The following USP49 variants were observed in gnomAD, a reference collection of about 807,000 sequenced individuals.
USP49 encodes the protein ubiquitin carboxyl-terminal hydrolase 49.
USP49 carries 24 observed loss-of-function variants against 58.6 expected under a neutral mutation model. That is an observed-to-expected ratio of 0.41 (90% CI 0.30 to 0.58). The LOEUF (loss-of-function observed/expected upper bound fraction) is 0.58. Ranked by LOEUF, USP49 falls within the 20% of genes least tolerant of loss-of-function variation. USP49 has a pLI of 0.30. For missense variants in USP49, 703 were observed against 866.1 expected, an observed-to-expected ratio of 0.81 and a Z score of 2.36; for synonymous variants, 408 against 365.1, an observed-to-expected ratio of 1.12 and a Z score of -1.34.
chr6:41,817,304 T>C (rs551051088), intron 3 of USP49, among the ~76,000 whole-genome samples: 151 of 150,386 alleles, frequency 1.0e-3, no homozygotes, highest in African/African-American at 3.3e-3. Flanking sequence ...CACACCACCA[T>C]GCCCAGCTAA....
chr6:41,851,527 C>T (rs1774027453), intron 3 of USP49, among the ~76,000 whole-genome samples: 2 of 152,188 alleles, frequency 1.3e-5, no homozygotes, highest in Non-Finnish European at 2.9e-5. Context: ...CAGATAATAT[C>T]ATACTCAGTG....
At chr6:41,844,207 C>T (rs1187349460) in intron 3 of USP49, among the ~76,000 whole-genome samples, 7 of 152,018 alleles carry the variant, frequency 4.6e-5, no homozygotes, top group South Asian at 2.1e-4. Context: ...GGCAACAGAG[C>T]GAGACTCTGT....
chr6:41,827,553 G>A (rs1013837948), intron 3 of USP49, among the ~76,000 whole-genome samples: 8 of 151,680 alleles, frequency 5.3e-5, no homozygotes, highest in African/African-American at 1.9e-4. Context: ...CCAGCTACTC[G>A]GGAGGCTGAG....
In USP49 at chr6:41,790,645, A is replaced by G. The variant is rs1438587531; in HGVS notation, c.*5888T>C. On this transcript the variant is annotated 3_prime_UTR_variant, in exon 8 of 8. Transcript: ENST00000682992. ...CCTGTTAAGGATGACAGATGTCTCT[A>G]GCAGTTTGTTCACTACTAAAGTTAA... 1.3e-5 allele frequency: 2 copies of G among 152,236 alleles called. No homozygotes were observed. Among genetic ancestry groups the G allele is most frequent in the African/African-American group, 4.8e-5 (2 of 41,446 alleles). 9.4% of individuals were successfully genotyped at this position (152,236 alleles called of 1,614,324 possible).
intron 5 of USP49, among the ~76,000 whole-genome samples, chr6:41,801,453 T>C (rs890538017): frequency 2.0e-5 from 3 of 152,166 alleles, no homozygotes; most frequent in Admixed American, 6.5e-5. Flanking sequence ...GAGTGTGCCA[T>C]AGGAGAAGCT....
chr6:41,814,765 C>T (rs990885515), intron 3 of USP49, among the ~76,000 whole-genome samples: 11 of 152,132 alleles, frequency 7.2e-5, no homozygotes, highest in Admixed American at 6.5e-5. Context: ...CTTGGTGAGA[C>T]CAAGTGGCAT....
intron 3 of USP49, among the ~76,000 whole-genome samples, chr6:41,829,873 T>C (rs532509595): frequency 7.9e-5 from 12 of 152,340 alleles, no homozygotes; most frequent in Admixed American, 3.9e-4. Flanking sequence ...GAAAAAAATT[T>C]AATCAGACTA....
At chr6:41,847,840 G>A (rs1773950210) in intron 3 of USP49, among the ~76,000 whole-genome samples, 1 of 152,220 alleles carries the variant, frequency 6.6e-6, no homozygotes, top group Admixed American at 6.5e-5. Flanking sequence ...AGAAGAGGGA[G>A]AGACAAAGTG....
chr6:41,834,943 T>C (rs1292287369), intron 3 of USP49, among the ~76,000 whole-genome samples: 1 of 152,138 alleles, frequency 6.6e-6, no homozygotes, highest in African/African-American at 2.4e-5. Context: ...TTATAATATA[T>C]GATTGTATTC....
intron 3 of USP49, among the ~76,000 whole-genome samples, chr6:41,826,873 C>T (rs1281243840): frequency 6.6e-6 from 1 of 152,144 alleles, no homozygotes; most frequent in Non-Finnish European, 1.5e-5. Flanking sequence ...AGGCGAGCAT[C>T]CTCTGACCAA....
chr6:41,876,905 C>A (rs768985582), intron 2 of USP49, among the ~76,000 whole-genome samples: 1 of 152,138 alleles, frequency 6.6e-6, no homozygotes, highest in Non-Finnish European at 1.5e-5. Context: ...CATAGGATAG[C>A]GGGAAGAGAA....
At position 41,833,650 on chromosome 6, in the gene USP49, A is replaced by C. The variant is rs549228184; in HGVS notation, c.-28-26639T>G. 3.3e-5 allele frequency among the ~76,000 whole-genome samples: 5 copies of C among 152,350 alleles called. No individual in the cohort carries two copies. In the South Asian group the frequency reaches 1.0e-3, roughly 32 times the overall value. On this transcript the variant is annotated intron_variant, in intron 3 of 7. Coordinates refer to ENST00000682992, the MANE Select transcript of USP49 (RefSeq NM_001286554.2). ...ATAACTATACCAAACCTTCTCTCTC[A>C]GTAGTTCTTATTGGTATGGGTAAAA...
intron 5 of USP49, among the ~76,000 whole-genome samples, chr6:41,802,452 A>ATTTTTTTTTTTTTTTTTTTTTTT (rs1561902624): frequency 1.6e-5 from 1 of 63,832 alleles, no homozygotes; most frequent in Admixed American, 2.0e-4. Context: ...TTATTTATTT[A>ATTTTTTTTTTTTTTTTTTTTTTT]TTTATTTATT....
At chr6:41,823,314 G>A (rs940006824) in intron 3 of USP49, among the ~76,000 whole-genome samples, 18 of 152,220 alleles carry the variant, frequency 1.2e-4, no homozygotes, top group African/African-American at 3.9e-4. Flanking sequence ...AAGATTCAGT[G>A]TTTCAGTAAT....
chr6:41,843,482 G>A lies in USP49; in HGVS notation c.-29+28082C>T, dbSNP rs534323470. Among the ~76,000 whole-genome samples, 5 of 152,254 alleles carry A rather than the reference G, an allele frequency of 3.3e-5. No homozygotes were observed. The South Asian group carries it at 1.0e-3, about 32-fold the overall frequency. On this transcript the variant is annotated intron_variant, in intron 3 of 7. Transcript: ENST00000682992. Reference sequence around the variant, plus strand: ...TGTCTTTTTGTATATCTGCATTTGTGGAACATAGAATTTTTCAGCTGGGTG... The same window carrying A: ...TGTCTTTTTGTATATCTGCATTTGTAGAACATAGAATTTTTCAGCTGGGTG...
At chr6:41,800,546 C>T (rs979165181) in intron 5 of USP49, among the ~76,000 whole-genome samples, 1 of 152,170 alleles carries the variant, frequency 6.6e-6, no homozygotes, top group Non-Finnish European at 1.5e-5. Flanking sequence ...GTTAAGGTTC[C>T]ATGTCTTCAC....
chr6:41,850,463 A>T (rs902078568), intron 3 of USP49, among the ~76,000 whole-genome samples: 14 of 149,158 alleles, frequency 9.4e-5, no homozygotes, highest in Admixed American at 2.7e-4. Flanking sequence ...AAAAAAAAAA[A>T]AATAAATAAA....
intron 4 of USP49, among the ~76,000 whole-genome samples, chr6:41,805,274 G>A (rs989864465): frequency 1.3e-5 from 2 of 152,122 alleles, no homozygotes; most frequent in Non-Finnish European, 2.9e-5. Context: ...AGGGTTACAA[G>A]CAAACTCTGT....
chr6:41,815,051 A>G (rs747911540), intron 3 of USP49, among the ~76,000 whole-genome samples: 1 of 152,212 alleles, frequency 6.6e-6, no homozygotes, highest in Non-Finnish European at 1.5e-5. Flanking sequence ...ATTTCCAAGA[A>G]GTATGGGAAA....
Sources: allele counts gnomAD v4.1 joint callset (sites outside exome capture counted in the v4.1 genomes callset), GRCh38; gene constraint gnomAD v4.1.1; transcripts MANE v1.5; gene names NCBI Gene and HGNC (gene_info 2026-07-23, HGNC 2026-07-21).